The following ANKHD1 variants were observed in gnomAD, a reference collection of about 807,000 sequenced individuals.
The protein encoded by ANKHD1 is ankyrin repeat and KH domain containing 1.
In ANKHD1, 31 loss-of-function variants were observed where a neutral mutation model predicts 230.5. The ratio of observed to expected loss-of-function variants is 0.13; its 90% CI spans 0.10 to 0.18. The LOEUF (loss-of-function observed/expected upper bound fraction) is 0.18, where lower values mean the gene tolerates loss of function less well. Among genes scored for constraint, ANKHD1 ranks in the 10% least tolerant of loss-of-function variants. ANKHD1 has a pLI of 1.00. For synonymous variants in ANKHD1, 1,074 were observed against 1,117.6 expected (o/e 0.96, Z 0.78); for missense variants, 2,256 against 3,071.3 (o/e 0.73, Z 6.27).
At chr5:140,503,865 C>T (rs188868509) in intron 15 of ANKHD1, among the ~76,000 whole-genome samples, 17 of 151,988 alleles carry the variant, frequency 1.1e-4, no homozygotes, top group Non-Finnish European at 1.5e-4. Context: ...CGTGAGCCAT[C>T]GCTCCTGGAC....
chr5:140,505,696 T>C (rs1752507983), intron 17 of ANKHD1, 28 bp from the exon 18 acceptor site: 1 of 1,569,892 alleles, frequency 6.4e-7, no homozygotes. Flanking sequence ...AACATAAATT[T>C]GTTTAAGATT....
At chr5:140,508,355 C>G (rs1252672415) in intron 20 of ANKHD1, among the ~76,000 whole-genome samples, 1 of 152,052 alleles carries the variant, frequency 6.6e-6, no homozygotes, top group African/African-American at 2.4e-5. Context: ...TGTAAAAATC[C>G]CAAGCAAAAA....
Position 140,496,907 on chromosome 5 carries a change from T to G in ANKHD1, c.2633T>G (p.Val878Gly). 6.2e-7 allele frequency: 1 copy of G among 1,614,004 alleles called. No homozygotes were observed. The highest frequency in any genetic ancestry group is 8.5e-7 in the Non-Finnish European group (1 of 1,180,002). Residue 878 changes from valine to glycine, a missense_variant, in exon 15 of 34, where the codon GTC (valine) becomes GGC (glycine). Coordinates refer to ENST00000360839, the MANE Select transcript of ANKHD1 (RefSeq NM_017747.3). ...SLHQQCSHRG[V>G]FPEGEGDGSL... The stretch of plus-strand genomic sequence containing the variant: ...CACCAACAGTGCTCTCATAGAGGAG[T>G]CTTCCCAGAAGGGGAAGGAGATGGT...
chr5:140,481,617 C>T (rs571134037), intron 10 of ANKHD1, among the ~76,000 whole-genome samples: 1 of 151,944 alleles, frequency 6.6e-6, no homozygotes, highest in Admixed American at 6.5e-5. Flanking sequence ...TGTAAATAGA[C>T]TAAATTGTAT....
chr5:140,458,306 A>G (rs571384383), intron 7 of ANKHD1, among the ~76,000 whole-genome samples: 2 of 152,310 alleles, frequency 1.3e-5, no homozygotes, highest in Non-Finnish European at 2.9e-5. Context: ...TAGATTTCAC[A>G]GTTTTTTGAA....
chr5:140,412,586 C>G (rs909782723), intron 1 of ANKHD1, among the ~76,000 whole-genome samples: 10 of 152,188 alleles, frequency 6.6e-5, no homozygotes, highest in Admixed American at 6.6e-4. Flanking sequence ...AAGTTCAGGT[C>G]TTTCATTATT....
intron 29 of ANKHD1, 92 bp downstream of exon 29, chr5:140,529,888 AG>A: frequency 6.6e-7 from 1 of 1,515,178 alleles, no homozygotes; most frequent in Non-Finnish European, 8.8e-7. Context: ...GAGGTAAATC[AG>A]TCACATATAA....
intron 29 of ANKHD1, among the ~76,000 whole-genome samples, chr5:140,530,923 T>C (rs1753783661): frequency 6.6e-6 from 1 of 152,282 alleles, no homozygotes; most frequent in Admixed American, 6.5e-5. Flanking sequence ...ATTTCAGATA[T>C]GTTTCCATTT....
chr5:140,454,524 A>T (rs2126954051), intron 7 of ANKHD1, among the ~76,000 whole-genome samples: 1 of 152,364 alleles, frequency 6.6e-6, no homozygotes, highest in African/African-American at 2.4e-5. Flanking sequence ...CTCAGACCAC[A>T]ATGCAATCAA....
chr5:140,503,521 A>AATAC (rs1752393829), intron 15 of ANKHD1, among the ~76,000 whole-genome samples: 1 of 150,340 alleles, frequency 6.7e-6, no homozygotes, highest in Admixed American at 6.6e-5. Context: ...AGAGATATAA[A>AATAC]ATACATAATT....
At chr5:140,436,788 CT>C (rs1348535758) in intron 2 of ANKHD1, among the ~76,000 whole-genome samples, 11 of 150,226 alleles carry the variant, frequency 7.3e-5, no homozygotes, top group African/African-American at 2.7e-4. Context: ...TCAAGGAAAA[CT>C]TACCTGTTAG....
intron 10 of ANKHD1, among the ~76,000 whole-genome samples, chr5:140,479,663 T>C (rs898278838): frequency 2.0e-5 from 3 of 150,782 alleles, no homozygotes; most frequent in Admixed American, 6.6e-5. Flanking sequence ...ATTCCTGTTA[T>C]ACATGTATAT....
chr5:140,455,819 G>A (rs982826635), intron 7 of ANKHD1, among the ~76,000 whole-genome samples: 4 of 152,064 alleles, frequency 2.6e-5, no homozygotes, highest in South Asian at 2.1e-4. Flanking sequence ...CAGGCATGCC[G>A]TCTCTCACCA....
intron 5 of ANKHD1, among the ~76,000 whole-genome samples, chr5:140,445,056 CTGGTCTCAAACTCCT>C (rs1485808437): frequency 3.3e-5 from 5 of 151,982 alleles, no homozygotes; most frequent in Non-Finnish European, 2.9e-5. Flanking sequence ...GTTGTTCAGG[CTGGTCTCAAACTCCT>C]TGGTCTCAAA....
rs1356801964 is a variant in ANKHD1, at chr5:140,506,553, A to G, written c.3409-282A>G. Reference sequence around the variant, plus strand: ...ATTTATTCGGATTGAATGAATCACAATTCTAACACATATGAAGTGCAAATT... The same window carrying G: ...ATTTATTCGGATTGAATGAATCACAGTTCTAACACATATGAAGTGCAAATT... On this transcript the variant is annotated intron_variant, in intron 18 of 33. Transcript: ENST00000360839. This position sits in a 1 kb window ranked among gnomAD's most constrained non-coding sequence, Gnocchi z 4.7. Among the ~76,000 whole-genome samples, 6 of 152,250 alleles carry G rather than the reference A, an allele frequency of 3.9e-5. No homozygotes were observed. Among genetic ancestry groups the G allele is most frequent in the Non-Finnish European group, 8.8e-5 (6 of 68,042 alleles).
chr5:140,455,818 C>G (rs529174773), intron 7 of ANKHD1, among the ~76,000 whole-genome samples: 4 of 152,286 alleles, frequency 2.6e-5, no homozygotes, highest in African/African-American at 9.6e-5. Context: ...ACAGGCATGC[C>G]GTCTCTCACC....
intron 7 of ANKHD1, among the ~76,000 whole-genome samples, chr5:140,450,340 G>C (rs1030154266): frequency 6.6e-6 from 1 of 150,606 alleles, no homozygotes; most frequent in Admixed American, 6.6e-5. Context: ...CTGTTGCCCA[G>C]GCTGGAGTGC....
At chr5:140,483,011 T>C (rs1751352016) in intron 11 of ANKHD1, among the ~76,000 whole-genome samples, 1 of 152,202 alleles carries the variant, frequency 6.6e-6, no homozygotes. Context: ...AGAGTAAGTC[T>C]GCTACTGTGG....
chr5:140,452,072 T>C (rs1244875909), intron 7 of ANKHD1, among the ~76,000 whole-genome samples: 1 of 152,138 alleles, frequency 6.6e-6, no homozygotes, highest in African/African-American at 2.4e-5. Flanking sequence ...CAGGAGATTA[T>C]ATCCCGCGCG....
Sources: allele counts gnomAD v4.1 joint callset (sites outside exome capture counted in the v4.1 genomes callset), GRCh38; gene constraint gnomAD v4.1.1; non-coding constraint Gnocchi (gnomAD v3.1); transcripts MANE v1.5; gene names NCBI Gene and HGNC (gene_info 2026-07-23, HGNC 2026-07-21).